The following CACNA2D3 variants were observed in gnomAD, a reference collection of about 807,000 sequenced individuals.
The protein encoded by CACNA2D3 is calcium voltage-gated channel auxiliary subunit alpha2delta 3.
CACNA2D3 carries 60 observed loss-of-function variants against 160.6 expected under a neutral mutation model. The observed-to-expected ratio is 0.37, with a 90% CI of 0.30 to 0.46. The LOEUF is 0.46. CACNA2D3 is among the 20% of genes least tolerant of loss of function. The pLI, the probability that CACNA2D3 is intolerant of heterozygous loss-of-function variation, is 1.00. For missense variants in CACNA2D3, 1,205 were observed against 1,365.0 expected (o/e 0.88, Z 1.85); for synonymous variants, 558 against 492.9 (o/e 1.13, Z -1.75).
chr3:54,212,399 T>A (rs2107364615), intron 2 of CACNA2D3, among the ~76,000 whole-genome samples: 1 of 152,306 alleles, frequency 6.6e-6, no homozygotes, highest in Non-Finnish European at 1.5e-5. Context: ...TGATTGGCAG[T>A]CGGTTGTAAG....
At chr3:54,943,144 G>A (rs1339094854) in intron 27 of CACNA2D3, among the ~76,000 whole-genome samples, 1 of 151,816 alleles carries the variant, frequency 6.6e-6, no homozygotes, top group Non-Finnish European at 1.5e-5. Flanking sequence ...CGAGGCTACA[G>A]TGGACTATGA....
intron 2 of CACNA2D3, among the ~76,000 whole-genome samples, chr3:54,240,744 GTTGTT>G (rs1701959889): frequency 6.6e-6 from 1 of 151,974 alleles, no homozygotes; most frequent in Non-Finnish European, 1.5e-5. Flanking sequence ...GTTTTGTTTT[GTTGTT>G]TTGAGACAGG....
intron 2 of CACNA2D3, among the ~76,000 whole-genome samples, chr3:54,256,340 C>G (rs552770720): frequency 6.6e-6 from 1 of 152,162 alleles, no homozygotes; most frequent in Non-Finnish European, 1.5e-5. Context: ...TTATTTCTAT[C>G]CTACTGCTCA....
chr3:54,562,676 C>G (rs925666382), intron 5 of CACNA2D3, 124 bp from the exon 6 acceptor site: 3 of 774,476 alleles, frequency 3.9e-6, no homozygotes, highest in African/African-American at 3.5e-5. Flanking sequence ...GCTATAACTT[C>G]CTTCATAGCC....
chr3:54,807,089 A>G (rs1286986277), intron 13 of CACNA2D3, among the ~76,000 whole-genome samples: 1 of 152,198 alleles, frequency 6.6e-6, no homozygotes, highest in Non-Finnish European at 1.5e-5. Flanking sequence ...TAGACCTAAA[A>G]CCATAAAAAC....
At chr3:54,124,499 TG>T (rs1699547329) in intron 2 of CACNA2D3, among the ~76,000 whole-genome samples, 2 of 152,174 alleles carry the variant, frequency 1.3e-5, no homozygotes, top group Admixed American at 1.3e-4. Context: ...TCTCTGAAAA[TG>T]GGTACAAACA....
chr3:54,348,108 C>T (rs1323288967), intron 3 of CACNA2D3, among the ~76,000 whole-genome samples: 2 of 152,114 alleles, frequency 1.3e-5, no homozygotes, highest in Non-Finnish European at 2.9e-5. Flanking sequence ...TTGATTGCAT[C>T]ATAGGTTTGA....
chr3:54,753,382 C>CT (rs1321851090), intron 12 of CACNA2D3, among the ~76,000 whole-genome samples: 2 of 152,188 alleles, frequency 1.3e-5, no homozygotes, highest in African/African-American at 4.8e-5. Context: ...CATTTCTGGG[C>CT]TAAAGCATTT....
chr3:54,304,451 A>C (rs113855921), intron 2 of CACNA2D3, among the ~76,000 whole-genome samples: 1 of 152,180 alleles, frequency 6.6e-6, no homozygotes, highest in Non-Finnish European at 1.5e-5. Flanking sequence ...TCCCTTTGGC[A>C]TGTATAGGAT....
intron 34 of CACNA2D3, among the ~76,000 whole-genome samples, chr3:55,014,770 T>A (rs1214811861): frequency 2.0e-5 from 3 of 152,108 alleles, no homozygotes; most frequent in African/African-American, 4.8e-5. Flanking sequence ...ATCCGGTAGA[T>A]TGCAAGCAGC....
At chr3:54,841,619 A>G (rs1452037966) in intron 16 of CACNA2D3, among the ~76,000 whole-genome samples, 1 of 152,216 alleles carries the variant, frequency 6.6e-6, no homozygotes, top group Non-Finnish European at 1.5e-5. Flanking sequence ...AAGATGAGTC[A>G]GCTCTTGGCT....
chr3:54,775,797 AG>A (rs1702414724), intron 13 of CACNA2D3, among the ~76,000 whole-genome samples: 1 of 152,188 alleles, frequency 6.6e-6, no homozygotes, highest in African/African-American at 2.4e-5. Context: ...GCTGTAGGCA[AG>A]AGAACCCACT....
At position 54,665,610 on chromosome 3, in the gene CACNA2D3, T is replaced by C. The variant is rs202180263; in HGVS notation, c.1167+23369T>C. On this transcript the variant is annotated intron_variant, in intron 11 of 37. Transcript: ENST00000474759. ...AATCCCAAAACATAAAGATTTCTGCTCCTGAATGCATTAGACGGCTCATAA... is the reference window on the plus strand; with the variant it reads ...AATCCCAAAACATAAAGATTTCTGCCCCTGAATGCATTAGACGGCTCATAA... 5.3e-5 allele frequency among the ~76,000 whole-genome samples: 8 copies of C among 152,156 alleles called. No individual in the cohort carries two copies. The East Asian group carries it at 1.4e-3, about 26-fold the overall frequency.
At chr3:54,464,901 C>A (rs959384804) in intron 4 of CACNA2D3, among the ~76,000 whole-genome samples, 1 of 152,198 alleles carries the variant, frequency 6.6e-6, no homozygotes, top group Non-Finnish European at 1.5e-5. Context: ...GGAGCTGTTC[C>A]TATTTGGCCA....
intron 5 of CACNA2D3, among the ~76,000 whole-genome samples, chr3:54,556,953 G>A (rs527459235): frequency 6.2e-4 from 95 of 152,220 alleles, no homozygotes; most frequent in South Asian, 8.3e-4. Context: ...CTTTCTGTCA[G>A]TGATGTTGGG....
chr3:54,257,468 AT>A (rs942492480), intron 2 of CACNA2D3, among the ~76,000 whole-genome samples: 1 of 151,750 alleles, frequency 6.6e-6, no homozygotes, highest in African/African-American at 2.4e-5. Context: ...TTATAGACTT[AT>A]TTTTTTCCCC....
At chr3:54,839,277 G>T (rs1252934040) in intron 16 of CACNA2D3, among the ~76,000 whole-genome samples, 1 of 151,938 alleles carries the variant, frequency 6.6e-6, no homozygotes, top group Non-Finnish European at 1.5e-5. Flanking sequence ...AAAAAAAATA[G>T]TCCGGAGAGT....
intron 2 of CACNA2D3, among the ~76,000 whole-genome samples, chr3:54,303,723 G>A (rs747791087): frequency 2.6e-5 from 4 of 152,080 alleles, no homozygotes; most frequent in Non-Finnish European, 5.9e-5. Context: ...CATGGCTCAC[G>A]GGACATGCCC....
chr3:54,517,001 G>A (rs1009616876), intron 5 of CACNA2D3, among the ~76,000 whole-genome samples: 5 of 152,230 alleles, frequency 3.3e-5, no homozygotes, highest in Admixed American at 3.3e-4. Context: ...GGGAGCCCCA[G>A]AAAAGGCTGA....
Sources: gnomAD v4.1 joint callset for allele counts (sites outside exome capture counted in the v4.1 genomes callset) on GRCh38, gnomAD v4.1.1 for gene constraint, MANE v1.5 for transcripts, NCBI Gene and HGNC (gene_info 2026-07-23, HGNC 2026-07-21) for gene names.